Variants in FNIP2 observed in about 807,000 individuals in gnomAD.
FNIP2 encodes the protein folliculin-interacting protein 2.
Under a neutral mutation model 108.7 loss-of-function variants are expected in FNIP2, and 32 were observed. That is an observed-to-expected ratio of 0.29 (90% CI 0.22 to 0.40). FNIP2 has a LOEUF of 0.40. Among genes scored for constraint, FNIP2 ranks in the 10% least tolerant of loss-of-function variants. The pLI, the probability that FNIP2 is intolerant of heterozygous loss-of-function variation, is 1.00. For missense variants in FNIP2, 1,202 were observed against 1,381.6 expected, an observed-to-expected ratio of 0.87 and a Z score of 2.06; for synonymous variants, 480 against 496.7, an observed-to-expected ratio of 0.97 and a Z score of 0.45.
chr4:158,841,680 C>G (rs1267540558), intron 7 of FNIP2, among the ~76,000 whole-genome samples: 1 of 152,214 alleles, frequency 6.6e-6, no homozygotes, highest in Non-Finnish European at 1.5e-5. Flanking sequence ...GAACACTTCC[C>G]TAACTTCCCC....
chr4:158,785,698 TTTTC>T (rs1388471174), intron 1 of FNIP2, among the ~76,000 whole-genome samples: 4 of 142,624 alleles, frequency 2.8e-5, no homozygotes, highest in South Asian at 2.1e-4. Context: ...TCTTTTTTCT[TTTTC>T]TTTCTTTCTT....
At chr4:158,790,333 T>A (rs2126449781) in intron 1 of FNIP2, among the ~76,000 whole-genome samples, 1 of 151,946 alleles carries the variant, frequency 6.6e-6, no homozygotes, top group East Asian at 2.0e-4. Flanking sequence ...AATATCCTAT[T>A]AATAAATCCT....
intron 1 of FNIP2, among the ~76,000 whole-genome samples, chr4:158,798,057 T>C (rs1776645087): frequency 6.6e-6 from 1 of 152,144 alleles, no homozygotes; most frequent in Admixed American, 6.5e-5. Context: ...TGTTTTTGTT[T>C]AAATTTTTGT....
At chr4:158,866,711 G>C (rs887153110) in intron 12 of FNIP2, among the ~76,000 whole-genome samples, 1 of 151,660 alleles carries the variant, frequency 6.6e-6, no homozygotes, top group African/African-American at 2.4e-5. Context: ...TAGTAGCTGG[G>C]ATTACAGGTG....
intron 1 of FNIP2, among the ~76,000 whole-genome samples, chr4:158,805,219 GTT>G (rs1776904015): frequency 6.6e-6 from 1 of 152,172 alleles, no homozygotes; most frequent in African/African-American, 2.4e-5. Flanking sequence ...ATCCATTAAT[GTT>G]TTCTTCACCA....
intron 1 of FNIP2, among the ~76,000 whole-genome samples, chr4:158,770,066 G>A (rs1421268422): frequency 6.6e-6 from 1 of 152,184 alleles, no homozygotes; most frequent in African/African-American, 2.4e-5. Flanking sequence ...TGAGGTGGGT[G>A]CTATTATAAT....
chr4:158,876,432 G>C (rs1471500947), intron 14 of FNIP2, among the ~76,000 whole-genome samples: 1 of 152,164 alleles, frequency 6.6e-6, no homozygotes, highest in Non-Finnish European at 1.5e-5. Flanking sequence ...TTATGCCCCA[G>C]TAACACTGTT....
rs1030807675 is a variant in FNIP2 at position 158,894,107 on chromosome 4, G to T, written c.3151-1643G>T. Among the ~76,000 whole-genome samples, 7 of 151,338 alleles carry T rather than the reference G, an allele frequency of 4.6e-5. No individual in the cohort carries two copies. In the South Asian group the frequency reaches 1.0e-3, roughly 22 times the overall value. ...CATCTCAGGAATAAAATCCCAGAAA[G>T]AGGAGTTTAAAAAGCCCCCAGCATG... is the stretch of plus-strand genomic sequence containing the variant. On this transcript the variant is annotated intron_variant, in intron 15 of 16. Coordinates refer to ENST00000264433, the MANE Select transcript of FNIP2 (RefSeq NM_020840.3).
chr4:158,885,759 C>A (rs559647179), intron 14 of FNIP2, among the ~76,000 whole-genome samples: 1 of 152,278 alleles, frequency 6.6e-6, no homozygotes, highest in South Asian at 2.1e-4. Flanking sequence ...CAACTGAGGC[C>A]CAGATTGAGT....
Position 158,788,810 on chromosome 4 carries a change from TCA to T in FNIP2, c.107+19494_107+19495del, listed in dbSNP as rs541644537. ...GCTCCCCAGCTCTCTAAAGGCACACTCACAGGATTTCCTGGCACTTTGTTTTG... is the reference window on the plus strand; with the variant it reads ...GCTCCCCAGCTCTCTAAAGGCACACTCAGGATTTCCTGGCACTTTGTTTTG... On this transcript the variant is annotated intron_variant, in intron 1 of 16. Coordinates refer to ENST00000264433, the MANE Select transcript of FNIP2 (RefSeq NM_020840.3). Among the ~76,000 whole-genome samples the T allele has an allele frequency of 1.0e-3, 152 of 152,382 alleles. 1 individual carries two copies. In the Middle Eastern group the frequency reaches 0.027, roughly 27 times the overall value.
intron 1 of FNIP2, among the ~76,000 whole-genome samples, chr4:158,803,699 A>G (rs1776838191): frequency 6.6e-6 from 1 of 152,236 alleles, no homozygotes; most frequent in Admixed American, 6.5e-5. Context: ...AACAGAGGAA[A>G]TGGCATTTTC....
In FNIP2 at chr4:158,861,375, G is replaced by A. The variant is rs754265749; in HGVS notation, c.1182G>A (p.Arg394=). The A allele has an allele frequency of 2.4e-5, 38 of 1,613,948 alleles. 1 individual carries two copies. In the South Asian group the frequency reaches 3.8e-4, roughly 16 times the overall value. ...TCTGGAACTTATATTCTGTTCCAAGGATAGCTGAACCTGTATGGCTTACTA... is the reference window on the plus strand; with the variant it reads ...TCTGGAACTTATATTCTGTTCCAAGAATAGCTGAACCTGTATGGCTTACTA... ...GTIWNLYSVP[R]IAEPVWLTMM... The change falls in exon 11 of 17, where the codon AGG becomes AGA. Residue 394 remains arginine, a synonymous_variant. Coordinates refer to ENST00000264433, the MANE Select transcript of FNIP2 (RefSeq NM_020840.3).
At chr4:158,823,263 T>TTTTA (rs980542146) in intron 1 of FNIP2, among the ~76,000 whole-genome samples, 8 of 152,206 alleles carry the variant, frequency 5.3e-5, no homozygotes, top group South Asian at 2.1e-4. Flanking sequence ...AATGACCTCA[T>TTTTA]TTTATTTATT....
At chr4:158,800,193 C>CTTTCT (rs1776714872) in intron 1 of FNIP2, among the ~76,000 whole-genome samples, 1 of 152,128 alleles carries the variant, frequency 6.6e-6, no homozygotes, top group African/African-American at 2.4e-5. Context: ...GTCAGATAGC[C>CTTTCT]TTTCGGTAGC....
intron 1 of FNIP2, among the ~76,000 whole-genome samples, chr4:158,770,891 T>C (rs949041703): frequency 2.6e-5 from 4 of 152,204 alleles, no homozygotes; most frequent in Non-Finnish European, 5.9e-5. Flanking sequence ...GAGGAGATAG[T>C]GGCGGTTACT....
intron 2 of FNIP2, among the ~76,000 whole-genome samples, chr4:158,828,780 C>G (rs560652109): frequency 6.6e-6 from 1 of 152,214 alleles, no homozygotes; most frequent in African/African-American, 2.4e-5. Flanking sequence ...AGCTAATAAT[C>G]AAAACTCAAA....
chr4:158,851,818 A>G (rs1282981981), intron 8 of FNIP2, among the ~76,000 whole-genome samples: 1 of 152,242 alleles, frequency 6.6e-6, no homozygotes, highest in Non-Finnish European at 1.5e-5. Context: ...CCAGTGTGGT[A>G]TTCAAAAATA....
intron 14 of FNIP2, among the ~76,000 whole-genome samples, chr4:158,879,521 G>T (rs1195971548): frequency 6.7e-6 from 1 of 150,340 alleles, no homozygotes; most frequent in East Asian, 2.0e-4. Context: ...ATATCTCAGA[G>T]CTGGCTTTGC....
chr4:158,785,710 C>T (rs1323180472), intron 1 of FNIP2, among the ~76,000 whole-genome samples: 2 of 144,108 alleles, frequency 1.4e-5, no homozygotes, highest in Admixed American at 7.0e-5. Flanking sequence ...TTCTTTCTTT[C>T]TTTTTTTTTT....
Sources: allele counts gnomAD v4.1 joint callset (sites outside exome capture counted in the v4.1 genomes callset), GRCh38; gene constraint gnomAD v4.1.1; transcripts MANE v1.5; gene names NCBI Gene and HGNC (gene_info 2026-07-23, HGNC 2026-07-21).